The following CMSS1 variants were observed in gnomAD, a reference collection of about 807,000 sequenced individuals.
CMSS1 encodes the protein cms1 ribosomal small subunit homolog, also known as protein CMSS1.
Under a neutral mutation model 43.5 loss-of-function variants are expected in CMSS1, and 33 were observed. That is an observed-to-expected ratio of 0.76 (90% CI 0.57 to 1.01). The LOEUF (loss-of-function observed/expected upper bound fraction) is 1.01, where lower values mean the gene tolerates loss of function less well. Among genes scored for constraint, CMSS1 ranks in the 50% least tolerant of loss-of-function variants. CMSS1 has a pLI of 0.00. For missense variants in CMSS1, 313 were observed against 326.4 expected (o/e 0.96, Z 0.32); for synonymous variants, 115 against 117.2 (o/e 0.98, Z 0.12).
chr3:100,151,078 T>C (rs2066903587), intron 2 of CMSS1, among the ~76,000 whole-genome samples: 1 of 152,210 alleles, frequency 6.6e-6, no homozygotes, highest in South Asian at 2.1e-4. Flanking sequence ...CTGTTGTATT[T>C]TCTTGCTACT....
rs747188276 is a variant in CMSS1, at chr3:99,848,526, A to T, written c.64+30483A>T. 4.8e-5 allele frequency: 77 copies of T among 1,614,172 alleles called. No individual in the cohort carries two copies. Among genetic ancestry groups the T allele is most frequent in the Non-Finnish European group, 6.2e-5 (73 of 1,180,022 alleles). On this transcript the variant is annotated intron_variant, in intron 1 of 9. Transcript: ENST00000421999. The stretch of plus-strand genomic sequence containing the variant: ...CCTCAGTAGTTATCACACTTGAGCT[A>T]TTGCTGTTTGAACGCTGAAACTGCC...
chr3:100,099,442 A>T (rs1038946850), intron 1 of CMSS1, among the ~76,000 whole-genome samples: 1 of 152,198 alleles, frequency 6.6e-6, no homozygotes, highest in Non-Finnish European at 1.5e-5. Context: ...TAAGGAAGGT[A>T]GAGGAAGAAG....
At chr3:99,890,701 T>C (rs1429440241) in intron 1 of CMSS1, among the ~76,000 whole-genome samples, 1 of 152,084 alleles carries the variant, frequency 6.6e-6, no homozygotes, top group Non-Finnish European at 1.5e-5. Flanking sequence ...AGTCTTTTAC[T>C]TTTTAAACTA....
intron 2 of CMSS1, among the ~76,000 whole-genome samples, chr3:100,154,159 T>C (rs935157036): frequency 6.6e-6 from 1 of 152,210 alleles, no homozygotes; most frequent in Non-Finnish European, 1.5e-5. Context: ...GACTATTTCT[T>C]GTTTGGCACT....
intron 1 of CMSS1, among the ~76,000 whole-genome samples, chr3:99,869,232 G>GGACTTTAA (rs762989035): frequency 6.6e-6 from 1 of 152,136 alleles, no homozygotes; most frequent in Non-Finnish European, 1.5e-5. Flanking sequence ...GGGGAAAATT[G>GGACTTTAA]GCCAGAGAAT....
At chr3:99,916,863 C>T (rs1706970547) in intron 1 of CMSS1, among the ~76,000 whole-genome samples, 1 of 152,196 alleles carries the variant, frequency 6.6e-6, no homozygotes, top group African/African-American at 2.4e-5. Flanking sequence ...CTGGCCAAAG[C>T]TGTTTGGCTT....
At chr3:99,934,497 T>C (rs1167503681) in intron 1 of CMSS1, among the ~76,000 whole-genome samples, 1 of 152,212 alleles carries the variant, frequency 6.6e-6, no homozygotes, top group Non-Finnish European at 1.5e-5. Context: ...TGTGGAACAA[T>C]AGTCTACTGA....
chr3:100,133,000 C>A (rs182830244), intron 1 of CMSS1, among the ~76,000 whole-genome samples: 6 of 151,926 alleles, frequency 3.9e-5, no homozygotes, highest in Admixed American at 3.3e-4. Context: ...TATAAATTGA[C>A]CCAAAAGCTT....
intron 1 of CMSS1, among the ~76,000 whole-genome samples, chr3:99,903,081 T>C (rs1030289592): frequency 2.0e-5 from 3 of 152,132 alleles, no homozygotes; most frequent in Non-Finnish European, 4.4e-5. Context: ...CCTAGGTACC[T>C]TATTTATCAT....
chr3:100,044,446 G>A (rs1173276162), intron 1 of CMSS1, among the ~76,000 whole-genome samples: 1 of 152,172 alleles, frequency 6.6e-6, no homozygotes, highest in Non-Finnish European at 1.5e-5. Context: ...GAATGAGTAG[G>A]AGTTAGCCAA....
chr3:100,062,660 A>G (rs1382145636), intron 1 of CMSS1, among the ~76,000 whole-genome samples: 1 of 152,214 alleles, frequency 6.6e-6, no homozygotes, highest in Non-Finnish European at 1.5e-5. Flanking sequence ...GCTGCATACT[A>G]ATTTCAAAAA....
At chr3:99,945,916 A>G (rs1045930362) in intron 1 of CMSS1, among the ~76,000 whole-genome samples, 2 of 152,230 alleles carry the variant, frequency 1.3e-5, no homozygotes, top group Non-Finnish European at 2.9e-5. Flanking sequence ...AGTGCCACAC[A>G]TGCTTTTGTG....
intron 1 of CMSS1, among the ~76,000 whole-genome samples, chr3:100,138,637 A>T (rs2066775729): frequency 6.6e-6 from 1 of 152,232 alleles, no homozygotes. Context: ...AACCACAATG[A>T]GATACCATCT....
chr3:100,033,583 A>G (rs2065056614), intron 1 of CMSS1, among the ~76,000 whole-genome samples: 1 of 152,164 alleles, frequency 6.6e-6, no homozygotes, highest in South Asian at 2.1e-4. Context: ...CCTCAACTGC[A>G]CTCTTAAATT....
intron 1 of CMSS1, among the ~76,000 whole-genome samples, chr3:99,956,511 C>G (rs1276526647): frequency 1.3e-5 from 2 of 152,190 alleles, no homozygotes; most frequent in Non-Finnish European, 2.9e-5. Context: ...CACTACCACA[C>G]TCGGCTAATG....
rs565922022 is a variant in CMSS1 at position 99,905,474 on chromosome 3, T to C, written c.64+87431T>C. Among the ~76,000 whole-genome samples, 6 of 152,338 alleles carry C rather than the reference T, an allele frequency of 3.9e-5. No homozygotes were observed. The East Asian group carries it at 7.7e-4, about 20-fold the overall frequency. On this transcript the variant is annotated intron_variant, in intron 1 of 9. Transcript: ENST00000421999. ...GTCTAGTCTTTGTATGTCTTGCATC[T>C]TTAGAACATGTAACATACTCCATTT...
At chr3:100,006,781 T>A (rs1710000240) in intron 1 of CMSS1, among the ~76,000 whole-genome samples, 1 of 152,178 alleles carries the variant, frequency 6.6e-6, no homozygotes, top group Non-Finnish European at 1.5e-5. Context: ...ATAAGTAAAT[T>A]AATAATTGCG....
chr3:99,848,945 C>T, intron 1 of CMSS1: 2 of 1,614,150 alleles, frequency 1.2e-6, no homozygotes, highest in South Asian at 1.1e-5. Flanking sequence ...GTGTTTTGTA[C>T]ATGGTCTGGA....
At chr3:100,051,625 C>T (rs1016192258) in intron 1 of CMSS1, among the ~76,000 whole-genome samples, 8 of 149,086 alleles carry the variant, frequency 5.4e-5, no homozygotes, top group Admixed American at 2.7e-4. Flanking sequence ...TTTGTCCTTG[C>T]GATAGTTTGC....
Sources: allele counts gnomAD v4.1 joint callset (sites outside exome capture counted in the v4.1 genomes callset), GRCh38; gene constraint gnomAD v4.1.1; transcripts MANE v1.5; gene names NCBI Gene and HGNC (gene_info 2026-07-23, HGNC 2026-07-21).